TOPAZ1: variants seen among roughly 807,000 people sequenced by gnomAD.
TOPAZ1 encodes the protein protein TOPAZ1.
TOPAZ1 carries 66 observed loss-of-function variants against 172.2 expected under a neutral mutation model. The ratio of observed to expected loss-of-function variants is 0.38; its 90% CI spans 0.31 to 0.47. TOPAZ1 has a LOEUF of 0.47. Among genes scored for constraint, TOPAZ1 ranks in the 20% least tolerant of loss-of-function variants. TOPAZ1 has a pLI of 0.99. For synonymous variants in TOPAZ1, 681 were observed against 683.9 expected (o/e 1.00, Z 0.07); for missense variants, 1,822 against 1,972.4 (o/e 0.92, Z 1.44).
At chr3:44,245,368 CATT>C in intron 2 of TOPAZ1, 97 bp downstream of exon 2, 1 of 1,266,252 alleles carries the variant, frequency 7.9e-7, no homozygotes, top group Non-Finnish European at 1.0e-6. Context: ...ATTGAAGCTC[CATT>C]ATTTTTTAAC....
intron 9 of TOPAZ1, 25 bp from the exon 10 acceptor site, chr3:44,287,364 T>A: frequency 7.5e-7 from 1 of 1,326,002 alleles, no homozygotes. Context: ...GCAAATGACT[T>A]TAGTATATAT....
intron 5 of TOPAZ1, among the ~76,000 whole-genome samples, chr3:44,265,724 A>G (rs1476912974): frequency 3.3e-5 from 5 of 152,210 alleles, no homozygotes; most frequent in Non-Finnish European, 7.3e-5. Context: ...CATGCTTTAA[A>G]CAGATGTGCT....
chr3:44,251,421 C>CCTA (rs1273521722), intron 2 of TOPAZ1, among the ~76,000 whole-genome samples: 1 of 152,180 alleles, frequency 6.6e-6, no homozygotes, highest in African/African-American at 2.4e-5. Flanking sequence ...TATGCTAAGC[C>CCTA]CTAAACTTTT....
At chr3:44,293,976 C>T (rs1700167652) in intron 12 of TOPAZ1, among the ~76,000 whole-genome samples, 1 of 152,222 alleles carries the variant, frequency 6.6e-6, no homozygotes, top group Non-Finnish European at 1.5e-5. Flanking sequence ...TACAGTGGCT[C>T]ATGCCTGTAA....
chr3:44,329,550 G>C lies in TOPAZ1; in HGVS notation c.4859+1117G>C, dbSNP rs567615782. ...ACCTATATCAAGCAAGAACTGTGAA[G>C]AGTCTGAGATTTTACCCTATTGCAA... On this transcript the variant is annotated intron_variant, in intron 19 of 19. Transcript: ENST00000309765. 3.9e-5 allele frequency among the ~76,000 whole-genome samples: 6 copies of C among 152,326 alleles called. No individual in the cohort carries two copies. In the East Asian group the frequency reaches 1.2e-3, roughly 29 times the overall value.
At chr3:44,333,310 G>A (rs554971608), downstream of TOPAZ1, among the ~76,000 whole-genome samples, 7 of 152,230 alleles carry the variant, frequency 4.6e-5, no homozygotes, top group South Asian at 2.1e-4. Context: ...GGCAGGTGAC[G>A]TCAAGAAGGA....
intron 9 of TOPAZ1, among the ~76,000 whole-genome samples, chr3:44,283,420 T>C (rs1287471685): frequency 6.6e-6 from 1 of 152,146 alleles, no homozygotes; most frequent in Non-Finnish European, 1.5e-5. Flanking sequence ...TGAATACCAC[T>C]GGTATAAATA....
chr3:44,305,855 T>C (rs1344692511), intron 14 of TOPAZ1, among the ~76,000 whole-genome samples: 1 of 152,250 alleles, frequency 6.6e-6, no homozygotes, highest in Non-Finnish European at 1.5e-5. Context: ...ATTGGTGTTT[T>C]AGTATCAAAC....
At chr3:44,290,687 T>C in intron 11 of TOPAZ1, 84 bp from the exon 12 acceptor site, 1 of 757,140 alleles carries the variant, frequency 1.3e-6, no homozygotes, top group Non-Finnish European at 2.1e-6. Context: ...CTTCCATTAG[T>C]GTCTTAGTTG....
chr3:44,321,148 A>G lies in TOPAZ1; in HGVS notation c.4428A>G (p.Thr1476=). Residue 1476 remains threonine (T), a synonymous_variant, in exon 17 of 20, where the codon ACA becomes ACG. Coordinates refer to ENST00000309765, the MANE Select transcript of TOPAZ1 (RefSeq NM_001145030.2). ...EILAKSLYRQ[T]FEVLQNLPGF... is the part of the protein sequence containing the mutation. The stretch of plus-strand genomic sequence containing the variant: ...TAGCCAAGAGCCTTTATAGACAGAC[A>G]TTTGAAGTTTTGCAGAATCTACCAG... The G allele has an allele frequency of 6.5e-7, 1 of 1,548,402 alleles. No homozygotes were observed. Among genetic ancestry groups the G allele is most frequent in the Non-Finnish European group, 8.7e-7 (1 of 1,146,022 alleles).
intron 2 of TOPAZ1, among the ~76,000 whole-genome samples, chr3:44,253,136 A>G (rs750083096): frequency 6.6e-6 from 1 of 152,222 alleles, no homozygotes; most frequent in Non-Finnish European, 1.5e-5. Flanking sequence ...AAATGACCAT[A>G]GAATTTACCT....
downstream of TOPAZ1, chr3:44,332,162 G>A: frequency 1.7e-6 from 1 of 578,430 alleles, no homozygotes; most frequent in Admixed American, 3.4e-5. Flanking sequence ...AATTTTTATT[G>A]ATATGTAATT....
In TOPAZ1 at chr3:44,242,893, T is replaced by G; in HGVS notation, c.387T>G (p.Asp129Glu). ...KRKVTEASSD[D>E]PQPGLDLVRK... Reference sequence around the variant, plus strand: ...AAGTTACTGAAGCCTCAAGTGATGATCCACAGCCAGGGCTTGACTTGGTAA... The same window carrying G: ...AAGTTACTGAAGCCTCAAGTGATGAGCCACAGCCAGGGCTTGACTTGGTAA... The change falls in exon 2 of 20, where the codon GAT becomes GAG. Residue 129 changes from aspartate (D) to glutamate (E), a missense_variant. Asp to Glu is a conservative substitution (Grantham distance 45). Transcript: ENST00000309765. 1 of 1,527,510 alleles carries G rather than the reference T, an allele frequency of 6.5e-7. No individual in the cohort carries two copies. Among genetic ancestry groups the G allele is most frequent in the East Asian group, 2.5e-5 (1 of 40,778 alleles). 94.6% of individuals were successfully genotyped at this position (1,527,510 alleles called of 1,614,324 possible). A position where few individuals can be genotyped will look rare whatever the true frequency, so the allele number is the denominator to read the frequency against.
At chr3:44,282,220 C>G (rs1700030963) in intron 9 of TOPAZ1, among the ~76,000 whole-genome samples, 189 bp downstream of exon 9, 1 of 152,196 alleles carries the variant, frequency 6.6e-6, no homozygotes, top group Non-Finnish European at 1.5e-5. Context: ...CTACCTAACA[C>G]TGTCATTCCC....
chr3:44,258,541 A>G (rs562306957), intron 4 of TOPAZ1, among the ~76,000 whole-genome samples: 1 of 152,154 alleles, frequency 6.6e-6, no homozygotes, highest in Non-Finnish European at 1.5e-5. Flanking sequence ...GTATTATATA[A>G]ATGGAATCAT....
chr3:44,270,077 A>G (rs1287168053), intron 7 of TOPAZ1, among the ~76,000 whole-genome samples: 1 of 152,238 alleles, frequency 6.6e-6, no homozygotes, highest in Non-Finnish European at 1.5e-5. Context: ...CAGAAAAAAC[A>G]GGCTGAATAC....
chr3:44,259,369 C>T (rs1699750508), intron 4 of TOPAZ1, among the ~76,000 whole-genome samples: 2 of 152,168 alleles, frequency 1.3e-5, no homozygotes, highest in South Asian at 4.1e-4. Context: ...TGCCATTTCT[C>T]AAAGTACACC....
intron 2 of TOPAZ1, among the ~76,000 whole-genome samples, chr3:44,251,641 A>T (rs1699632867): frequency 6.6e-6 from 1 of 152,194 alleles, no homozygotes; most frequent in Non-Finnish European, 1.5e-5. Flanking sequence ...CAATTTCATT[A>T]AAAAATTTCT....
chr3:44,319,269 T>C (rs1273109188), intron 16 of TOPAZ1, among the ~76,000 whole-genome samples: 2 of 152,100 alleles, frequency 1.3e-5, no homozygotes, highest in East Asian at 3.9e-4. Flanking sequence ...AGGGAGATGA[T>C]GTGGGGAGAG....
Sources: allele counts gnomAD v4.1 joint callset (sites outside exome capture counted in the v4.1 genomes callset), GRCh38; gene constraint gnomAD v4.1.1; transcripts MANE v1.5; gene names NCBI Gene and HGNC (gene_info 2026-07-23, HGNC 2026-07-21).